Variants in KAZN observed in about 807,000 individuals in gnomAD.
KAZN encodes kazrin, periplakin interacting protein.
KAZN carries 40 observed loss-of-function variants against 87.4 expected under a neutral mutation model. The observed-to-expected ratio is 0.46, with a 90% CI of 0.36 to 0.60. KAZN has a LOEUF of 0.60. Among genes scored for constraint, KAZN ranks in the 20% least tolerant of loss-of-function variants. KAZN has a pLI of 0.00. For synonymous variants in KAZN, 466 were observed against 458.3 expected, an observed-to-expected ratio of 1.02 and a Z score of -0.22; for missense variants, 898 against 1,073.9, an observed-to-expected ratio of 0.84 and a Z score of 2.29.
intron 2 of KAZN, among the ~76,000 whole-genome samples, chr1:14,486,232 A>G (rs1228121075): frequency 2.0e-5 from 3 of 152,226 alleles, no homozygotes; most frequent in African/African-American, 7.2e-5. Context: ...GTTTAAAGAC[A>G]TTAAGATTTC....
intron 4 of KAZN, among the ~76,000 whole-genome samples, chr1:15,049,527 G>A (rs771759805): frequency 4.1e-4 from 63 of 152,008 alleles, no homozygotes; most frequent in Non-Finnish European, 8.1e-4. Flanking sequence ...ATGGCCAGAT[G>A]TCCCCTGGAG....
intron 2 of KAZN, among the ~76,000 whole-genome samples, chr1:14,591,633 T>C (rs573834836): frequency 6.6e-6 from 1 of 152,140 alleles, no homozygotes; most frequent in Admixed American, 6.5e-5. Context: ...AAATGAAAAA[T>C]CTGCAGAAGG....
rs755820319 is a variant in KAZN, at chr1:15,060,172, C to A, written c.917C>A (p.Ala306Glu). 1.9e-6 allele frequency: 3 copies of A among 1,614,042 alleles called. No homozygotes were observed. The highest frequency in any genetic ancestry group is 1.7e-4 in the Middle Eastern group (1 of 6,026). The change falls in exon 6 of 15, where the codon GCG becomes GAG. Residue 306 changes from alanine (A) to glutamate (E), a missense_variant and splice_region_variant. Physicochemically the swap from Ala to Glu is moderately radical, Grantham distance 107. This residue lies in a region of KAZN where 521 missense variants were observed against 689.4 expected (regional missense o/e 0.76). Coordinates refer to ENST00000376030, the MANE Select transcript of KAZN (RefSeq NM_201628.3). ...CTCACCAGCTGTCCCTGCTTTCCAG[C>A]GGTCAGGGTGAGCCCCTGCCACTCC... is the stretch of plus-strand genomic sequence containing the variant. ...SHPPHPADRQAVRVSPCHSRQ... is the reference protein window; with the variant it reads ...SHPPHPADRQEVRVSPCHSRQ...
intron 1 of KAZN, among the ~76,000 whole-genome samples, chr1:14,763,214 G>A (rs78121708): frequency 0.013 from 1,926 of 152,342 alleles, 25 homozygotes; most frequent in South Asian, 0.068. Context: ...GCTGAAGGCA[G>A]GATTCATGTG....
chr1:14,727,709 G>T (rs1289746513), intron 1 of KAZN, among the ~76,000 whole-genome samples: 1 of 151,306 alleles, frequency 6.6e-6, no homozygotes, highest in Non-Finnish European at 1.5e-5. Context: ...GAGGTAATCC[G>T]CCCACCACGG....
rs527624575 is a variant in KAZN at position 13,966,872 on chromosome 1, C to G, written c.91+73116C>G. Among the ~76,000 whole-genome samples the G allele has an allele frequency of 3.3e-5, 5 of 151,972 alleles. No individual in the cohort carries two copies. The South Asian group carries it at 1.0e-3, about 32-fold the overall frequency. ...AATTCATTTGACCTTTTTCTTTTTA[C>G]TTTTTTAAATGCACTATCAGAAAAT... On this transcript the variant is annotated intron_variant, in intron 1 of 16. Transcript: ENST00000636203.
intron 1 of KAZN, among the ~76,000 whole-genome samples, chr1:13,995,905 G>A (rs1469608641): frequency 2.0e-5 from 3 of 152,152 alleles, no homozygotes; most frequent in African/African-American, 7.2e-5. Flanking sequence ...TGATAGAGGC[G>A]GTGCCAAGAT....
intron 1 of KAZN, among the ~76,000 whole-genome samples, chr1:13,904,349 A>C (rs1280254729): frequency 6.6e-6 from 1 of 152,104 alleles, no homozygotes; most frequent in Admixed American, 6.5e-5. Context: ...TGTTAAGCAG[A>C]AAGTATTGCT....
At chr1:15,064,883 T>A (rs1639099529) in intron 7 of KAZN, among the ~76,000 whole-genome samples, 1 of 152,100 alleles carries the variant, frequency 6.6e-6, no homozygotes, top group Non-Finnish European at 1.5e-5. Context: ...TGCATGGACA[T>A]CCTCCTACAA....
chr1:14,570,433 C>T (rs995770645), intron 2 of KAZN, among the ~76,000 whole-genome samples: 1 of 152,150 alleles, frequency 6.6e-6, no homozygotes, highest in African/African-American at 2.4e-5. Context: ...CACCACTGAT[C>T]GACTTTCTGT....
chr1:14,904,828 C>T (rs1291234214), intron 1 of KAZN, among the ~76,000 whole-genome samples: 1 of 152,172 alleles, frequency 6.6e-6, no homozygotes, highest in Non-Finnish European at 1.5e-5. Flanking sequence ...GTGGTGCGAT[C>T]TCCACTCACT....
At chr1:14,972,760 C>T (rs1028249609) in intron 2 of KAZN, among the ~76,000 whole-genome samples, 3 of 151,954 alleles carry the variant, frequency 2.0e-5, no homozygotes, top group Non-Finnish European at 4.4e-5. Context: ...AGTGATTCGC[C>T]CACTGTGGCC....
chr1:14,793,279 A>C (rs1645735174), intron 1 of KAZN, among the ~76,000 whole-genome samples: 1 of 152,022 alleles, frequency 6.6e-6, no homozygotes, highest in Non-Finnish European at 1.5e-5. Flanking sequence ...CCAAGGAAAG[A>C]GAGGATTGAG....
intron 1 of KAZN, among the ~76,000 whole-genome samples, chr1:14,039,410 C>G (rs764972334): frequency 6.6e-6 from 1 of 152,130 alleles, no homozygotes; most frequent in Non-Finnish European, 1.5e-5. Context: ...AGTGCTGTAT[C>G]GATGCACTTT....
At chr1:13,963,109 T>C (rs1479635969) in intron 1 of KAZN, among the ~76,000 whole-genome samples, 1 of 152,044 alleles carries the variant, frequency 6.6e-6, no homozygotes, top group African/African-American at 2.4e-5. Flanking sequence ...GGAAGGGATA[T>C]TATACTACCT....
chr1:14,859,902 C>T (rs578101901), intron 1 of KAZN, among the ~76,000 whole-genome samples: 10 of 152,292 alleles, frequency 6.6e-5, no homozygotes, highest in South Asian at 2.1e-4. Flanking sequence ...CATGAAGCCA[C>T]GCCTGGATTT....
intron 1 of KAZN, among the ~76,000 whole-genome samples, chr1:14,751,794 C>A (rs994757838): frequency 1.3e-5 from 2 of 152,182 alleles, no homozygotes; most frequent in Non-Finnish European, 2.9e-5. Flanking sequence ...ATCACAGCAC[C>A]TTTTCCCAAC....
At chr1:14,313,940 G>T (rs1237288647) in intron 2 of KAZN, among the ~76,000 whole-genome samples, 1 of 152,102 alleles carries the variant, frequency 6.6e-6, no homozygotes, top group South Asian at 2.1e-4. Context: ...AGTGGAAAAT[G>T]AGGCTAATAA....
At chr1:14,834,431 G>A (rs973695475) in intron 1 of KAZN, among the ~76,000 whole-genome samples, 4 of 146,020 alleles carry the variant, frequency 2.7e-5, no homozygotes, top group Non-Finnish European at 5.9e-5. Context: ...GCATGATCTC[G>A]GCTCACTGCA....
Sources: gnomAD v4.1 joint callset for allele counts (sites outside exome capture counted in the v4.1 genomes callset) on GRCh38, gnomAD v4.1.1 for gene constraint, gnomAD v4.1.1 regional missense constraint, MANE v1.5 for transcripts, NCBI Gene and HGNC (gene_info 2026-07-23, HGNC 2026-07-21) for gene names.